PRR16: variants seen among roughly 807,000 people sequenced by gnomAD.
PRR16 encodes the protein proline rich 16, also known as protein Largen.
Under a neutral mutation model 18.2 loss-of-function variants are expected in PRR16, and 6 were observed. The ratio of observed to expected loss-of-function variants is 0.33; its 90% confidence interval spans 0.18 to 0.65. The LOEUF is 0.65. PRR16 is among the 30% of genes least tolerant of loss of function. PRR16 has a pLI of 0.74. For synonymous variants in PRR16, 151 were observed against 147.8 expected, an observed-to-expected ratio of 1.02 and a Z score of -0.16; for missense variants, 412 against 376.6, an observed-to-expected ratio of 1.09 and a Z score of -0.78.
chr5:120,710,415 CAT>C, the PRR16 span, among the ~76,000 whole-genome samples: 1 of 152,114 alleles, frequency 6.6e-6, no homozygotes, highest in African/African-American at 2.4e-5. Context: ...GTGGAAAAAA[CAT>C]AGTCATTATG....
chr5:120,632,920 A>G (rs989449498), intron 1 of PRR16, among the ~76,000 whole-genome samples: 3 of 152,224 alleles, frequency 2.0e-5, no homozygotes, highest in East Asian at 3.8e-4. Flanking sequence ...TCACCTAGGC[A>G]TATAGTCATC....
chr5:120,649,832 G>T (rs1165437219), intron 1 of PRR16, among the ~76,000 whole-genome samples: 2 of 151,872 alleles, frequency 1.3e-5, no homozygotes, highest in African/African-American at 2.4e-5. Context: ...TTTTTATAAG[G>T]CACCCCGTAA....
chr5:120,601,977 T>C (rs1315609960), intron 1 of PRR16, among the ~76,000 whole-genome samples: 11 of 152,128 alleles, frequency 7.2e-5, no homozygotes, highest in Non-Finnish European at 1.5e-5. Context: ...CCTTGTAATA[T>C]AGTTCAAAGT....
intron 1 of PRR16, among the ~76,000 whole-genome samples, chr5:120,558,720 C>T (rs1394235610): frequency 6.6e-6 from 1 of 151,944 alleles, no homozygotes; most frequent in Admixed American, 6.6e-5. Flanking sequence ...GAGGAACCTC[C>T]AAACTGTTCT....
chr5:120,675,082 G>A lies in PRR16; in HGVS notation c.160-10872G>A, dbSNP rs191077242. ...TAACATTGATCAATTCATTCATTTTGGTCTTTCTGTTTTGTGTTGTTGCTT... is the reference window on the plus strand; with the variant it reads ...TAACATTGATCAATTCATTCATTTTAGTCTTTCTGTTTTGTGTTGTTGCTT... On this transcript the variant is annotated intron_variant, in intron 1 of 1. Transcript: ENST00000407149. Among the ~76,000 whole-genome samples, 809 of 151,968 alleles carry A rather than the reference G, an allele frequency of 5.3e-3. 10 individuals carry two copies. Among genetic ancestry groups the A allele is most frequent in the South Asian group, 0.046 (221 of 4,820 alleles).
chr5:120,553,411 T>G (rs1752318041), intron 1 of PRR16, among the ~76,000 whole-genome samples: 1 of 151,886 alleles, frequency 6.6e-6, no homozygotes, highest in Non-Finnish European at 1.5e-5. Context: ...CAGGCCTGAA[T>G]TTTGGCAGCT....
At chr5:120,755,075 G>C in the PRR16 span, among the ~76,000 whole-genome samples, 1 of 151,184 alleles carries the variant, frequency 6.6e-6, no homozygotes, top group African/African-American at 2.4e-5. Context: ...AACATTAGGA[G>C]ATATACCTAA....
chr5:120,776,436 T>C, the PRR16 span, among the ~76,000 whole-genome samples: 10 of 152,208 alleles, frequency 6.6e-5, no homozygotes, highest in African/African-American at 1.9e-4. Context: ...TTCTAGACTT[T>C]GCTTAATACT....
intron 1 of PRR16, among the ~76,000 whole-genome samples, chr5:120,490,225 T>G (rs1031936197): frequency 6.6e-6 from 1 of 152,214 alleles, no homozygotes. Context: ...GAAGTTCTCC[T>G]GGATAATATC....
At chr5:120,717,004 G>A in the PRR16 span, among the ~76,000 whole-genome samples, 1 of 152,172 alleles carries the variant, frequency 6.6e-6, no homozygotes, top group Non-Finnish European at 1.5e-5. Flanking sequence ...TACAGGTTAG[G>A]AAGATGGACG....
chr5:120,746,836 T>C, the PRR16 span, among the ~76,000 whole-genome samples: 1 of 152,142 alleles, frequency 6.6e-6, no homozygotes, highest in African/African-American at 2.4e-5. Flanking sequence ...GGACCACAAT[T>C]TGAGAACAAA....
chr5:120,484,471 T>G (rs1449014222), intron 1 of PRR16, among the ~76,000 whole-genome samples: 1 of 145,090 alleles, frequency 6.9e-6, no homozygotes, highest in Admixed American at 7.0e-5. Context: ...CTAATATATG[T>G]TTATATAATT....
the PRR16 span, among the ~76,000 whole-genome samples, chr5:120,743,772 T>C: frequency 0.22 from 33,835 of 152,034 alleles, 4,529 homozygotes; most frequent in Non-Finnish European, 0.29. Flanking sequence ...CAGTTATCCT[T>C]GGTTTGATAA....
chr5:120,773,116 T>G, the PRR16 span, among the ~76,000 whole-genome samples: 1 of 152,150 alleles, frequency 6.6e-6, no homozygotes, highest in East Asian at 1.9e-4. Flanking sequence ...GACTCCAACC[T>G]GACTTGAGAA....
intron 1 of PRR16, among the ~76,000 whole-genome samples, chr5:120,632,335 A>C (rs1755085602): frequency 6.6e-6 from 1 of 152,062 alleles, no homozygotes; most frequent in Non-Finnish European, 1.5e-5. Context: ...ACACCCCCAA[A>C]ATTTTGTACC....
chr5:120,504,906 C>G (rs1482803192), intron 1 of PRR16, among the ~76,000 whole-genome samples: 1 of 152,102 alleles, frequency 6.6e-6, no homozygotes, highest in African/African-American at 2.4e-5. Context: ...TGCCTTGCAT[C>G]TTCAAGGATT....
At chr5:120,604,948 T>C (rs1320040944) in intron 1 of PRR16, among the ~76,000 whole-genome samples, 2 of 152,212 alleles carry the variant, frequency 1.3e-5, no homozygotes, top group Non-Finnish European at 2.9e-5. Flanking sequence ...GTCCCTTCTC[T>C]GTCGCTGCCT....
At chr5:120,495,364 C>T (rs568217811) in intron 1 of PRR16, among the ~76,000 whole-genome samples, 1 of 152,096 alleles carries the variant, frequency 6.6e-6, no homozygotes, top group Non-Finnish European at 1.5e-5. Context: ...GGTTCCACAT[C>T]CCCTGAGAAT....
At chr5:120,754,531 AATT>A in the PRR16 span, among the ~76,000 whole-genome samples, 2 of 100,372 alleles carry the variant, frequency 2.0e-5, no homozygotes, top group Non-Finnish European at 3.6e-5. Flanking sequence ...TATATTATAT[AATT>A]ATATGTAATT....
Sources: allele counts gnomAD v4.1 joint callset (sites outside exome capture counted in the v4.1 genomes callset), GRCh38; gene constraint gnomAD v4.1.1; transcripts MANE v1.5; gene names NCBI Gene and HGNC (gene_info 2026-07-23, HGNC 2026-07-21).